EFCAB11: variants seen among roughly 807,000 people sequenced by gnomAD.
EFCAB11 encodes EF-hand calcium-binding domain-containing protein 11.
Under a neutral mutation model 23.0 loss-of-function variants are expected in EFCAB11, and 14 were observed. The ratio of observed to expected loss-of-function variants is 0.61; its 90% CI spans 0.40 to 0.95. The LOEUF (loss-of-function observed/expected upper bound fraction) is 0.95, where lower values mean the gene tolerates loss of function less well. Ranked by LOEUF, EFCAB11 falls within the 40% of genes least tolerant of loss-of-function variation. The pLI, the probability that EFCAB11 is intolerant of heterozygous loss-of-function variation, is 0.00. For missense variants in EFCAB11, 198 were observed against 195.8 expected, an observed-to-expected ratio of 1.01 and a Z score of -0.07; for synonymous variants, 65 against 66.6, an observed-to-expected ratio of 0.98 and a Z score of 0.11.
At chr14:89,954,410 T>C in intron 1 of EFCAB11, 176 bp downstream of exon 1, 1 of 1,536,608 alleles carries the variant, frequency 6.5e-7, no homozygotes, top group African/African-American at 1.4e-5. Flanking sequence ...GCCGTAGTCC[T>C]GGACGGGGAG....
At chr14:89,829,257 T>A (rs1354157792) in intron 5 of EFCAB11, among the ~76,000 whole-genome samples, 2 of 152,218 alleles carry the variant, frequency 1.3e-5, no homozygotes, top group Non-Finnish European at 2.9e-5. Context: ...AATCTATGTT[T>A]TGTTTCTCTC....
chr14:89,930,496 T>G lies in EFCAB11; in HGVS notation c.410+1045A>C, dbSNP rs1890352251. 2.6e-5 allele frequency among the ~76,000 whole-genome samples: 4 copies of G among 151,792 alleles called. No individual in the cohort carries two copies. In the South Asian group the frequency reaches 8.4e-4, roughly 32 times the overall value. ...TGTGCATGACCTTGGAACTAAGTTT[T>G]GGTCACTGGGTTGTAAGTGGAAATA... is the stretch of plus-strand genomic sequence containing the variant. On this transcript the variant is annotated intron_variant, in intron 5 of 5. Transcript: ENST00000316738.
At chr14:89,893,011 C>T (rs1401364138) in intron 5 of EFCAB11, among the ~76,000 whole-genome samples, 1 of 152,212 alleles carries the variant, frequency 6.6e-6, no homozygotes, top group Non-Finnish European at 1.5e-5. Context: ...AAAGATCCCA[C>T]CTTGCAGGGA....
At chr14:89,808,082 G>A (rs1206426827) in intron 5 of EFCAB11, among the ~76,000 whole-genome samples, 2 of 152,140 alleles carry the variant, frequency 1.3e-5, no homozygotes, top group African/African-American at 4.8e-5. Flanking sequence ...AGCCTGCTTT[G>A]TGTTCAACAA....
intron 2 of EFCAB11, chr14:89,952,618 G>T: frequency 2.0e-6 from 2 of 985,058 alleles, no homozygotes; most frequent in Non-Finnish European, 2.4e-6. Flanking sequence ...AACCTACTTG[G>T]GTCAAGAGAA....
chr14:89,841,868 G>A (rs1328404288), intron 5 of EFCAB11, among the ~76,000 whole-genome samples: 1 of 152,054 alleles, frequency 6.6e-6, no homozygotes, highest in African/African-American at 2.4e-5. Context: ...TGTGTTGACG[G>A]CTCTCTCCTC....
At chr14:89,817,543 A>G (rs1043206361) in intron 5 of EFCAB11, among the ~76,000 whole-genome samples, 7 of 152,140 alleles carry the variant, frequency 4.6e-5, no homozygotes, top group Middle Eastern at 3.2e-3. Flanking sequence ...ATAAATATAA[A>G]CTTAGATGCT....
chr14:89,869,758 CAG>C (rs1005308932), intron 5 of EFCAB11, among the ~76,000 whole-genome samples: 8 of 152,160 alleles, frequency 5.3e-5, no homozygotes, highest in African/African-American at 1.9e-4. Context: ...TAAAAACCTT[CAG>C]AGAGTATTAT....
intron 3 of EFCAB11, among the ~76,000 whole-genome samples, chr14:89,934,342 T>C (rs1397751995): frequency 6.6e-6 from 1 of 152,166 alleles, no homozygotes; most frequent in Admixed American, 6.5e-5. Context: ...AGAATCTAAA[T>C]GACATAGCTT....
chr14:89,813,366 G>T (rs2140092046), intron 5 of EFCAB11, among the ~76,000 whole-genome samples: 1 of 152,204 alleles, frequency 6.6e-6, no homozygotes, highest in Admixed American at 6.5e-5. Flanking sequence ...TTATTGTAGG[G>T]TTATTTATAA....
chr14:89,917,898 A>G (rs1164624375), intron 5 of EFCAB11, among the ~76,000 whole-genome samples: 2 of 152,232 alleles, frequency 1.3e-5, no homozygotes, highest in Non-Finnish European at 2.9e-5. Context: ...GTAGTTGGTA[A>G]TCAATGAACG....
intron 5 of EFCAB11, among the ~76,000 whole-genome samples, chr14:89,805,674 T>C (rs1885944367): frequency 6.6e-6 from 1 of 152,098 alleles, no homozygotes; most frequent in Non-Finnish European, 1.5e-5. Context: ...AGCTGGAGCC[T>C]AAACAAACCA....
At chr14:89,804,527 C>T (rs1255125621) in intron 5 of EFCAB11, among the ~76,000 whole-genome samples, 1 of 152,178 alleles carries the variant, frequency 6.6e-6, no homozygotes, top group African/African-American at 2.4e-5. Flanking sequence ...ACTTGCATTC[C>T]CTCATTCTCT....
chr14:89,945,464 T>G (rs1201247291), intron 3 of EFCAB11, among the ~76,000 whole-genome samples: 1 of 152,208 alleles, frequency 6.6e-6, no homozygotes, highest in Admixed American at 6.6e-5. Context: ...TCCCTTTTGA[T>G]TTTTTCTTTG....
At chr14:89,808,078 C>T (rs1320985465) in intron 5 of EFCAB11, among the ~76,000 whole-genome samples, 6 of 152,180 alleles carry the variant, frequency 3.9e-5, no homozygotes, top group African/African-American at 1.2e-4. Context: ...GTAGAGCCTG[C>T]TTTGTGTTCA....
intron 5 of EFCAB11, among the ~76,000 whole-genome samples, chr14:89,798,732 A>G (rs775875566): frequency 6.6e-6 from 1 of 152,222 alleles, no homozygotes; most frequent in Non-Finnish European, 1.5e-5. Flanking sequence ...GAATGCTTGT[A>G]GAGAAGCAAA....
chr14:89,890,292 C>T (rs1888923026), intron 5 of EFCAB11, among the ~76,000 whole-genome samples: 2 of 152,054 alleles, frequency 1.3e-5, no homozygotes, highest in South Asian at 4.1e-4. Flanking sequence ...AAATATTTAG[C>T]TTACAACTTC....
intron 2 of EFCAB11, chr14:89,952,514 C>T (rs1192161019): frequency 1.0e-6 from 1 of 985,238 alleles, no homozygotes; most frequent in Non-Finnish European, 1.2e-6. Context: ...AAGAGTCAGC[C>T]CTGACTACTT....
chr14:89,911,611 C>A (rs1889678719), intron 5 of EFCAB11, among the ~76,000 whole-genome samples: 1 of 152,220 alleles, frequency 6.6e-6, no homozygotes, highest in Admixed American at 6.5e-5. Flanking sequence ...AAATACTTCT[C>A]AGCCACCATC....
Sources: gnomAD v4.1 joint callset for allele counts (sites outside exome capture counted in the v4.1 genomes callset) on GRCh38, gnomAD v4.1.1 for gene constraint, MANE v1.5 for transcripts, NCBI Gene and HGNC (gene_info 2026-07-23, HGNC 2026-07-21) for gene names.